IQCH: variants seen among roughly 807,000 people sequenced by gnomAD.
IQCH encodes the protein IQ domain-containing protein H.
In IQCH, 98 loss-of-function variants were observed where a neutral mutation model predicts 117.0. That is an observed-to-expected ratio of 0.84 (90% CI 0.71 to 0.99). The LOEUF is 0.99. Ranked by LOEUF, IQCH falls within the 50% of genes least tolerant of loss-of-function variation. The pLI is 0.00. For missense variants in IQCH, 1,102 were observed against 1,243.8 expected, an observed-to-expected ratio of 0.89 and a Z score of 1.72; for synonymous variants, 412 against 448.2, an observed-to-expected ratio of 0.92 and a Z score of 1.02.
chr15:67,307,124 A>T, intron 4 of IQCH: 2 of 1,135,344 alleles, frequency 1.8e-6, no homozygotes, highest in Non-Finnish European at 2.2e-6. Context: ...GAAAAAAATC[A>T]TAAAAACATT....
chr15:67,469,662 G>C (rs72747419), intron 17 of IQCH, among the ~76,000 whole-genome samples: 19,348 of 152,072 alleles, frequency 0.13, 1,328 homozygotes, highest in East Asian at 0.2. Flanking sequence ...AGGATATAAG[G>C]GTGAGTAGCA....
chr15:67,325,968 C>CT (rs760121473), intron 4 of IQCH, among the ~76,000 whole-genome samples: 6 of 151,878 alleles, frequency 4.0e-5, no homozygotes, highest in Admixed American at 3.3e-4. Flanking sequence ...TTACATTAAT[C>CT]TTTTTTTTAT....
intron 4 of IQCH, among the ~76,000 whole-genome samples, chr15:67,285,527 A>T (rs142479205): frequency 6.6e-6 from 1 of 152,164 alleles, no homozygotes; most frequent in Non-Finnish European, 1.5e-5. Flanking sequence ...ATCTGTGCCC[A>T]TGCCTATGTC....
intron 16 of IQCH, among the ~76,000 whole-genome samples, chr15:67,434,923 G>C (rs776630394): frequency 1.3e-5 from 2 of 149,860 alleles, no homozygotes; most frequent in Non-Finnish European, 3.0e-5. Context: ...CTACAAGCGC[G>C]TCACCACGCC....
intron 3 of IQCH, among the ~76,000 whole-genome samples, chr15:67,277,094 A>G (rs1023350677): frequency 6.6e-5 from 10 of 152,234 alleles, no homozygotes; most frequent in Non-Finnish European, 1.5e-4. Context: ...ATATATTGAT[A>G]AGCCTATCAA....
intron 1 of IQCH, 126 bp from the exon 2 acceptor site, chr15:67,261,146 G>T: frequency 6.2e-5 from 32 of 512,754 alleles, no homozygotes; most frequent in Non-Finnish European, 8.5e-5. Context: ...CCTTTTCAAT[G>T]AATACCATAA....
In IQCH at chr15:67,357,348, C is replaced by T; in HGVS notation, c.641C>T (p.Thr214Ile). The T allele has an allele frequency of 6.2e-7, 1 of 1,604,804 alleles. No homozygotes were observed. Among genetic ancestry groups the T allele is most frequent in the South Asian group, 1.1e-5 (1 of 90,896 alleles). The change falls in exon 7 of 21, where the codon ACT (threonine) becomes ATT (isoleucine). Residue 214 changes from threonine to isoleucine, a missense_variant. Physicochemically the swap from Thr to Ile is moderately conservative, Grantham distance 89. This residue lies in a region of IQCH where 452 missense variants were observed against 449.6 expected (regional missense o/e 1.01). Transcript: ENST00000335894. Reference protein sequence around the residue: ...DEARKIPTVATFTIPREPPPS... With the variant: ...DEARKIPTVAIFTIPREPPPS... Reference sequence around the variant, plus strand: ...CATGTACTATCTTCATCCACAGCCACTTTCACTATACCTCGGGAACCACCT... The same window carrying T: ...CATGTACTATCTTCATCCACAGCCATTTTCACTATACCTCGGGAACCACCT...
chr15:67,440,588 C>T (rs1436819657), intron 16 of IQCH, among the ~76,000 whole-genome samples: 2 of 152,178 alleles, frequency 1.3e-5, no homozygotes, highest in Non-Finnish European at 2.9e-5. Context: ...AAATGTGATA[C>T]ACTACATAAA....
chr15:67,327,515 CCTA>C (rs1968463596), intron 4 of IQCH, among the ~76,000 whole-genome samples: 1 of 152,078 alleles, frequency 6.6e-6, no homozygotes, highest in Non-Finnish European at 1.5e-5. Flanking sequence ...GTTTTTATTG[CCTA>C]CTTTTTCTTT....
rs927185384 is a variant in IQCH at position 67,358,641 on chromosome 15, T to C, written c.715-1206T>C. Among the ~76,000 whole-genome samples, 17 of 152,220 alleles carry C rather than the reference T, an allele frequency of 1.1e-4. 1 individual carries two copies. The highest frequency in any genetic ancestry group is 4.1e-4 in the African/African-American group (17 of 41,454). ...GACAGACTTGTGATTTTTGAAACTT[T>C]TCACCACAGAAAGGAGACAGCTGGC... On this transcript the variant is annotated intron_variant, in intron 7 of 20. Coordinates refer to ENST00000335894, the MANE Select transcript of IQCH (RefSeq NM_001031715.3).
rs541215316 is a variant in IQCH, at chr15:67,459,521, G to A, written c.2506-5606G>A. On this transcript the variant is annotated intron_variant, in intron 16 of 20. Coordinates refer to ENST00000335894, the MANE Select transcript of IQCH (RefSeq NM_001031715.3). This position sits in a 1 kb window ranked among gnomAD's most constrained non-coding sequence, Gnocchi z 4.2. ...GGTGAGCAGGCAGCCTCCATCTGCT[G>A]AGAACACCTCAGGCAAAAAGGGCTC... is the stretch of plus-strand genomic sequence containing the variant. 6.6e-6 allele frequency among the ~76,000 whole-genome samples: 1 copy of A among 152,328 alleles called. No homozygotes were observed. Among genetic ancestry groups the A allele is most frequent in the East Asian group, 1.9e-4 (1 of 5,182 alleles).
At chr15:67,477,257 G>T (rs2141052122) in intron 18 of IQCH, among the ~76,000 whole-genome samples, 1 of 152,004 alleles carries the variant, frequency 6.6e-6, no homozygotes, top group East Asian at 1.9e-4. Flanking sequence ...CACCATGTTG[G>T]CCAGGATGGT....
rs954963669 is a variant in IQCH at position 67,491,622 on chromosome 15, T to A, written c.2861+1558T>A. On this transcript the variant is annotated intron_variant, in intron 19 of 20. Transcript: ENST00000335894. The surrounding 1 kb of genome is among the most constrained non-coding windows in gnomAD (Gnocchi z 4.9). The stretch of plus-strand genomic sequence containing the variant: ...TCTTCACCCATTTGTCACACTGCCC[T>A]GATAGCAACAGAAATGAGACCTCAA... Among the ~76,000 whole-genome samples, 34 of 152,140 alleles carry A rather than the reference T, an allele frequency of 2.2e-4. No individual in the cohort carries two copies. Among genetic ancestry groups the A allele is most frequent in the African/African-American group, 8.0e-4 (33 of 41,432 alleles).
rs113306957 is a variant in IQCH at position 67,478,415 on chromosome 15, G to A, written c.2799+2597G>A. On this transcript the variant is annotated intron_variant, in intron 18 of 20. Transcript: ENST00000335894. The stretch of plus-strand genomic sequence containing the variant: ...AAGAAAAGGCAGACAGAGGGGCACC[G>A]AAGACACTTCCAGCAGAGTTCCATA... Among the ~76,000 whole-genome samples the A allele has an allele frequency of 9.7e-3, 1,475 of 152,004 alleles. 38 individuals are homozygous for A. The highest frequency in any genetic ancestry group is 0.032 in the African/African-American group (1,333 of 41,426).
intron 4 of IQCH, among the ~76,000 whole-genome samples, chr15:67,334,623 C>G (rs1968811563): frequency 6.6e-6 from 1 of 152,122 alleles, no homozygotes; most frequent in Non-Finnish European, 1.5e-5. Flanking sequence ...TACTGAGGCC[C>G]AGGCCCCAGC....
intron 4 of IQCH, among the ~76,000 whole-genome samples, chr15:67,308,749 T>C (rs1967436895): frequency 6.6e-6 from 1 of 152,084 alleles, no homozygotes; most frequent in African/African-American, 2.4e-5. Context: ...GAATGTCAAT[T>C]CTGCATTGGT....
chr15:67,372,269 C>T lies in IQCH; in HGVS notation c.912C>T (p.His304=), dbSNP rs764780502. 3.3e-5 allele frequency: 54 copies of T among 1,613,910 alleles called. No homozygotes were observed. Among genetic ancestry groups the T allele is most frequent in the South Asian group, 1.4e-4 (13 of 91,092 alleles). The change falls in exon 9 of 21, where the codon CAC becomes CAT. Residue 304 remains histidine (H), a synonymous_variant. Transcript: ENST00000335894. ...AWGGIFSLLE[H]VEKFLRNYAI... ...GAGGTATTTTTTCTCTCTTGGAACA[C>T]GTCGAGAAGTTTCTCAGGAACTATG...
intron 18 of IQCH, among the ~76,000 whole-genome samples, chr15:67,483,623 T>C (rs1421390251): frequency 6.6e-6 from 1 of 151,148 alleles, no homozygotes; most frequent in African/African-American, 2.5e-5. Flanking sequence ...TCTAAACAGA[T>C]TTTTTTCTTG....
chr15:67,344,279 C>T, intron 6 of IQCH, 88 bp downstream of exon 6: 3 of 1,225,854 alleles, frequency 2.4e-6, no homozygotes, highest in South Asian at 1.5e-5. Flanking sequence ...CAACTTTTGT[C>T]CTCAATAATA....
Sources: allele counts gnomAD v4.1 joint callset (sites outside exome capture counted in the v4.1 genomes callset), GRCh38; gene constraint gnomAD v4.1.1; regional missense constraint gnomAD v4.1.1; non-coding constraint Gnocchi (gnomAD v3.1); transcripts MANE v1.5; gene names NCBI Gene and HGNC (gene_info 2026-07-23, HGNC 2026-07-21).